The following ADGRB3 variants were observed in gnomAD, a reference collection of about 807,000 sequenced individuals.
ADGRB3 encodes brain-specific angiogenesis inhibitor 3.
Under a neutral mutation model 193.4 loss-of-function variants are expected in ADGRB3, and 37 were observed. The observed-to-expected ratio is 0.19, with a 90% CI of 0.15 to 0.25. The LOEUF (loss-of-function observed/expected upper bound fraction) is 0.25, where lower values mean the gene tolerates loss of function less well. ADGRB3 is among the 10% of genes least tolerant of loss of function. The pLI is 1.00. For missense variants in ADGRB3, 1,637 were observed against 1,852.9 expected (o/e 0.88, Z 2.14); for synonymous variants, 690 against 644.2 (o/e 1.07, Z -1.08).
chr6:68,876,893 T>C (rs1315068017), intron 3 of ADGRB3, among the ~76,000 whole-genome samples: 2 of 152,122 alleles, frequency 1.3e-5, no homozygotes, highest in Non-Finnish European at 2.9e-5. Flanking sequence ...TTACTGATTT[T>C]TTTCAAAATT....
chr6:69,146,821 C>CTTTTTTTTTTTTTTTTTTTTTTTTTTTTT (rs756561473), intron 17 of ADGRB3, among the ~76,000 whole-genome samples: 3 of 103,246 alleles, frequency 2.9e-5, no homozygotes, highest in African/African-American at 3.8e-5. Context: ...CTCATTACTT[C>CTTTTTTTTTTTTTTTTTTTTTTTTTTTTT]TTTTTTTTTT....
intron 26 of ADGRB3, among the ~76,000 whole-genome samples, chr6:69,340,511 T>TATGA (rs2127319831): frequency 1.3e-5 from 2 of 152,240 alleles, no homozygotes; most frequent in East Asian, 3.9e-4. Context: ...AAAAAACACA[T>TATGA]GTACGTATGA....
At chr6:69,386,684 G>A (rs913647089) in intron 31 of ADGRB3, among the ~76,000 whole-genome samples, 11 of 151,852 alleles carry the variant, frequency 7.2e-5, no homozygotes, top group Admixed American at 2.6e-4. Flanking sequence ...TGGCTTTCCC[G>A]TCTCCGTGTT....
intron 1 of ADGRB3, among the ~76,000 whole-genome samples, chr6:68,636,558 C>A (rs910116583): frequency 2.7e-5 from 4 of 145,946 alleles, no homozygotes; most frequent in African/African-American, 7.6e-5. Context: ...GCTTTTTGAA[C>A]GGGCCCTGCA....
intron 3 of ADGRB3, among the ~76,000 whole-genome samples, chr6:68,689,037 G>T (rs954153586): frequency 2.6e-5 from 4 of 152,042 alleles, no homozygotes; most frequent in African/African-American, 9.7e-5. Flanking sequence ...CCCTTAGAGG[G>T]TGACTTAACT....
At position 69,082,770 on chromosome 6, in the gene ADGRB3, C is replaced by G. The variant is rs370121524; in HGVS notation, c.2480+6732C>G. 3.3e-5 allele frequency among the ~76,000 whole-genome samples: 5 copies of G among 152,238 alleles called. No homozygotes were observed. In the East Asian group the frequency reaches 9.7e-4, roughly 29 times the overall value. ...GAAACTTTTGGGGTTTGTTTCTGCT[C>G]TCTTTTATTTCTTCCAATTCTCACT... On this transcript the variant is annotated intron_variant, in intron 17 of 31. Transcript: ENST00000370598.
chr6:69,018,801 T>A (rs533052016), intron 13 of ADGRB3, among the ~76,000 whole-genome samples: 1 of 152,100 alleles, frequency 6.6e-6, no homozygotes, highest in Non-Finnish European at 1.5e-5. Flanking sequence ...TGCCAAATGC[T>A]CATTGCTATC....
At chr6:69,284,327 G>A (rs1582603868) in intron 20 of ADGRB3, among the ~76,000 whole-genome samples, 1 of 152,186 alleles carries the variant, frequency 6.6e-6, no homozygotes, top group Non-Finnish European at 1.5e-5. Context: ...TTGTAGTCCA[G>A]GCTTCCTCTT....
At chr6:69,277,537 C>T (rs1302912427) in intron 20 of ADGRB3, among the ~76,000 whole-genome samples, 1 of 152,142 alleles carries the variant, frequency 6.6e-6, no homozygotes, top group African/African-American at 2.4e-5. Flanking sequence ...AGTCAGCACT[C>T]CCAAAGGACT....
chr6:69,388,399 T>C (rs76105725), intron 31 of ADGRB3, among the ~76,000 whole-genome samples: 26 of 152,114 alleles, frequency 1.7e-4, no homozygotes, highest in Admixed American at 5.9e-4. Context: ...CTTCAACATA[T>C]GGTCATACTG....
intron 3 of ADGRB3, among the ~76,000 whole-genome samples, chr6:68,888,568 C>CACAT (rs1765978800): frequency 6.6e-6 from 1 of 151,472 alleles, no homozygotes; most frequent in Non-Finnish European, 1.5e-5. Flanking sequence ...CACACACACA[C>CACAT]ACACACATAA....
chr6:69,070,213 G>A (rs548027116), intron 16 of ADGRB3, among the ~76,000 whole-genome samples: 21 of 152,130 alleles, frequency 1.4e-4, no homozygotes, highest in Non-Finnish European at 2.9e-4. Flanking sequence ...GCTGTGAAAG[G>A]TACAAAAAAG....
chr6:69,040,523 A>T (rs572169991), intron 13 of ADGRB3, among the ~76,000 whole-genome samples: 1 of 151,540 alleles, frequency 6.6e-6, no homozygotes, highest in South Asian at 2.1e-4. Context: ...GTATACCAAC[A>T]TTATTAAATG....
intron 11 of ADGRB3, among the ~76,000 whole-genome samples, chr6:68,996,379 A>G (rs1769383523): frequency 6.6e-6 from 1 of 152,068 alleles, no homozygotes; most frequent in African/African-American, 2.4e-5. Flanking sequence ...ATACTGTGGT[A>G]CTATAATTTA....
intron 29 of ADGRB3, among the ~76,000 whole-genome samples, chr6:69,368,645 G>A (rs1318437160): frequency 6.6e-6 from 1 of 152,020 alleles, no homozygotes; most frequent in Non-Finnish European, 1.5e-5. Flanking sequence ...TAGAAGGCAG[G>A]GATATGAGAG....
Position 68,974,820 on chromosome 6 carries a change from C to T in ADGRB3, c.1583C>T (p.Pro528Leu), listed in dbSNP as rs754590524. 1.2e-5 allele frequency: 19 copies of T among 1,613,878 alleles called. No individual in the cohort carries two copies. Among genetic ancestry groups the T allele is most frequent in the Non-Finnish European group, 1.4e-5 (16 of 1,179,902 alleles). Residue 528 changes from proline to leucine, a missense_variant, in exon 9 of 32, where the codon CCA (proline) becomes CTA (leucine). This residue lies in a region of ADGRB3 where 641 missense variants were observed against 673.9 expected (regional missense o/e 0.95). Coordinates refer to ENST00000370598, the MANE Select transcript of ADGRB3 (RefSeq NM_001704.3). ...YLMSMVWKRTPAGDLAFNQCP... is the reference protein window; with the variant it reads ...YLMSMVWKRTLAGDLAFNQCP... ...ATGTCGATGGTGTGGAAAAGAACTC[C>T]AGCAGGCGACTTGGCATTCAATCAA...
At position 68,933,253 on chromosome 6, in the gene ADGRB3, A is replaced by G. The variant is rs546278966; in HGVS notation, c.868+2584A>G. ...AGCAGTCTTTCATTACCGTGAGGAAAATAGCCTAAATTTGGACTATGTAGC... is the reference window on the plus strand; with the variant it reads ...AGCAGTCTTTCATTACCGTGAGGAAGATAGCCTAAATTTGGACTATGTAGC... On this transcript the variant is annotated intron_variant, in intron 4 of 31. Coordinates refer to ENST00000370598, the MANE Select transcript of ADGRB3 (RefSeq NM_001704.3). Among the ~76,000 whole-genome samples the G allele has an allele frequency of 4.6e-5, 7 of 152,256 alleles. No individual in the cohort carries two copies. In the East Asian group the frequency reaches 1.2e-3, roughly 25 times the overall value.
intron 3 of ADGRB3, among the ~76,000 whole-genome samples, chr6:68,898,251 G>A (rs1401071954): frequency 6.6e-6 from 1 of 151,938 alleles, no homozygotes; most frequent in Non-Finnish European, 1.5e-5. Flanking sequence ...TCTAAGGGCA[G>A]GAGAAGATGG....
intron 5 of ADGRB3, among the ~76,000 whole-genome samples, chr6:68,937,214 T>G (rs2184724): frequency 0.81 from 122,878 of 151,928 alleles, 50,492 homozygotes; most frequent in Non-Finnish European, 0.88. Flanking sequence ...AAACTTAAAT[T>G]AAACTTAATG....
Sources: gnomAD v4.1 joint callset for allele counts (sites outside exome capture counted in the v4.1 genomes callset) on GRCh38, gnomAD v4.1.1 for gene constraint, gnomAD v4.1.1 regional missense constraint, MANE v1.5 for transcripts, NCBI Gene and HGNC (gene_info 2026-07-23, HGNC 2026-07-21) for gene names.